Variants in FHOD3 observed in about 807,000 individuals in gnomAD.
FHOD3 encodes the protein FH1/FH2 domain-containing protein 3.
A neutral mutation model predicts 173.0 loss-of-function variants in FHOD3; 90 were observed. The observed-to-expected ratio is 0.52, with a 90% confidence interval of 0.44 to 0.62. The LOEUF is 0.62. Ranked by LOEUF, FHOD3 falls within the 20% of genes least tolerant of loss-of-function variation. The pLI, the probability that FHOD3 is intolerant of heterozygous loss-of-function variation, is 0.00. For missense variants in FHOD3, 1,945 were observed against 2,034.7 expected (o/e 0.96, Z 0.85); for synonymous variants, 828 against 823.0 (o/e 1.01, Z -0.10).
intron 3 of FHOD3, among the ~76,000 whole-genome samples, chr18:36,414,681 C>T (rs926911955): frequency 5.3e-5 from 8 of 152,190 alleles, no homozygotes; most frequent in African/African-American, 1.4e-4. Context: ...GCAACAGTGG[C>T]GGCAGTAGAA....
chr18:36,369,488 CACACACACACAT>C (rs1280046779), intron 2 of FHOD3, among the ~76,000 whole-genome samples: 68 of 124,092 alleles, frequency 5.5e-4, no homozygotes, highest in African/African-American at 1.8e-3. Flanking sequence ...CACACACACA[CACACACACACAT>C]ATATATAGAG....
chr18:36,436,837 G>A (rs1241872791), intron 3 of FHOD3, among the ~76,000 whole-genome samples: 1 of 152,074 alleles, frequency 6.6e-6, no homozygotes, highest in African/African-American at 2.4e-5. Flanking sequence ...GATAAAAGTT[G>A]AAAATTAATG....
intron 17 of FHOD3, among the ~76,000 whole-genome samples, chr18:36,704,080 T>C (rs2039736793): frequency 6.6e-6 from 1 of 152,210 alleles, no homozygotes; most frequent in South Asian, 2.1e-4. Context: ...GGACCCCTTC[T>C]TTTCTATTAC....
chr18:36,709,068 T>C (rs1469304023), intron 17 of FHOD3, 27 bp from the exon 18 acceptor site: 1 of 1,601,908 alleles, frequency 6.2e-7, no homozygotes, highest in African/African-American at 1.3e-5. Context: ...CTGTCGTCAA[T>C]ATAATCTCCA....
intron 14 of FHOD3, among the ~76,000 whole-genome samples, chr18:36,677,395 C>T (rs367970379): frequency 1.8e-4 from 28 of 152,198 alleles, no homozygotes; most frequent in African/African-American, 3.1e-4. Flanking sequence ...CAGGTGATCC[C>T]GCCTCAGCCT....
At chr18:36,705,249 ACTC>A (rs1240602943) in intron 17 of FHOD3, among the ~76,000 whole-genome samples, 13 of 150,054 alleles carry the variant, frequency 8.7e-5, no homozygotes, top group African/African-American at 2.9e-4. Flanking sequence ...ACCTCCTCTC[ACTC>A]CTCCTGCCAG....
chr18:36,748,382 A>ACAACACAC (rs1555836081), intron 24 of FHOD3, among the ~76,000 whole-genome samples: 62 of 143,570 alleles, frequency 4.3e-4, no homozygotes, highest in African/African-American at 1.5e-3. Context: ...ACACACACAC[A>ACAACACAC]ACACACACAC....
chr18:36,423,226 C>A lies in FHOD3; in HGVS notation c.337+50482C>A, dbSNP rs141992874. ...CTTCGATAAGAGCAATATACACTTA[C>A]GATTTTTAAAAAGCTATAATTTTTA... is the stretch of plus-strand genomic sequence containing the variant. On this transcript the variant is annotated intron_variant, in intron 3 of 28. Coordinates refer to ENST00000590592, the MANE Select transcript of FHOD3 (RefSeq NM_001281740.3). 6.7e-3 allele frequency among the ~76,000 whole-genome samples: 1,014 copies of A among 152,146 alleles called. 12 individuals carry two copies. Among genetic ancestry groups the A allele is most frequent in the African/African-American group, 0.023 (971 of 41,474 alleles).
chr18:36,502,364 C>T (rs558167820), intron 4 of FHOD3, among the ~76,000 whole-genome samples: 35 of 152,050 alleles, frequency 2.3e-4, no homozygotes, highest in Non-Finnish European at 4.4e-4. Context: ...CCATCATCTA[C>T]ATTAGGTATT....
At chr18:36,543,694 T>C (rs186341662) in intron 5 of FHOD3, among the ~76,000 whole-genome samples, 7 of 152,302 alleles carry the variant, frequency 4.6e-5, no homozygotes, top group Admixed American at 4.6e-4. Context: ...CGTACTGGCC[T>C]CACACTGAGG....
intron 9 of FHOD3, among the ~76,000 whole-genome samples, chr18:36,624,191 G>A (rs2033920460): frequency 6.6e-6 from 1 of 152,106 alleles, no homozygotes; most frequent in South Asian, 2.1e-4. Context: ...ATAGGGGAAG[G>A]CAGTCATATT....
rs537997327 is a variant in FHOD3, at chr18:36,590,879, C to T, written c.607-3908C>T. Among the ~76,000 whole-genome samples, 9 of 152,266 alleles carry T rather than the reference C, an allele frequency of 5.9e-5. No homozygotes were observed. The East Asian group carries it at 7.7e-4, about 13-fold the overall frequency. On this transcript the variant is annotated intron_variant, in intron 6 of 28. Coordinates refer to ENST00000590592, the MANE Select transcript of FHOD3 (RefSeq NM_001281740.3). ...GGATTCTGGGTGCCTGAGACCGTAT[C>T]GGTCAAGGCCCCTTCACCACAGAGA...
intron 3 of FHOD3, among the ~76,000 whole-genome samples, chr18:36,490,007 G>A (rs28676945): frequency 0.027 from 4,095 of 152,250 alleles, 169 homozygotes; most frequent in African/African-American, 0.091. Context: ...GTTGTACTGC[G>A]TTTGAGATGC....
chr18:36,416,236 T>C (rs2049639785), intron 3 of FHOD3, among the ~76,000 whole-genome samples: 2 of 152,316 alleles, frequency 1.3e-5, no homozygotes, highest in Middle Eastern at 3.4e-3. Context: ...GGTTCCACCA[T>C]GTTAGCCAGG....
intron 3 of FHOD3, among the ~76,000 whole-genome samples, chr18:36,387,164 T>TC (rs1287209387): frequency 6.6e-6 from 1 of 152,046 alleles, no homozygotes; most frequent in East Asian, 1.9e-4. Flanking sequence ...AGGTGTTGGT[T>TC]CCCCCTCAGG....
chr18:36,726,764 T>C (rs940834086), intron 19 of FHOD3, among the ~76,000 whole-genome samples: 2 of 152,152 alleles, frequency 1.3e-5, no homozygotes, highest in Non-Finnish European at 2.9e-5. Flanking sequence ...AACCTCTGCC[T>C]CCTGGGTTCA....
chr18:36,322,462 A>G (rs2044447590), intron 1 of FHOD3, among the ~76,000 whole-genome samples: 1 of 152,096 alleles, frequency 6.6e-6, no homozygotes, highest in Non-Finnish European at 1.5e-5. Flanking sequence ...GTGAAGGGGT[A>G]AGGCAGGAGC....
chr18:36,636,892 T>C (rs1373757459), intron 10 of FHOD3, among the ~76,000 whole-genome samples: 2 of 152,190 alleles, frequency 1.3e-5, no homozygotes, highest in African/African-American at 2.4e-5. Flanking sequence ...CTTCAGAAGC[T>C]ATTTTTTCTT....
intron 2 of FHOD3, among the ~76,000 whole-genome samples, chr18:36,372,348 T>C (rs1033862118): frequency 6.6e-6 from 1 of 152,210 alleles, no homozygotes; most frequent in Non-Finnish European, 1.5e-5. Context: ...TGTTGTTACA[T>C]TCCAGGAATT....
Sources: allele counts gnomAD v4.1 joint callset (sites outside exome capture counted in the v4.1 genomes callset), GRCh38; gene constraint gnomAD v4.1.1; transcripts MANE v1.5; gene names NCBI Gene and HGNC (gene_info 2026-07-23, HGNC 2026-07-21).